CADM2: variants seen among roughly 807,000 people sequenced by gnomAD.
CADM2 encodes the protein cell adhesion molecule 2, also known as immunoglobulin superfamily member 4D.
CADM2 carries 12 observed loss-of-function variants against 49.8 expected under a neutral mutation model. The ratio of observed to expected loss-of-function variants is 0.24; its 90% CI spans 0.15 to 0.39. CADM2 has a LOEUF of 0.39. Ranked by LOEUF, CADM2 falls within the 10% of genes least tolerant of loss-of-function variation. The pLI is 1.00. For missense variants in CADM2, 378 were observed against 492.3 expected (o/e 0.77, Z 2.20); for synonymous variants, 214 against 175.4 (o/e 1.22, Z -1.74).
At chr3:85,633,879 T>C (rs1455856714) in intron 1 of CADM2, among the ~76,000 whole-genome samples, 2 of 152,088 alleles carry the variant, frequency 1.3e-5, no homozygotes, top group African/African-American at 4.8e-5. Context: ...AGTGAGAGTA[T>C]GACGAAGCAG....
At chr3:85,295,113 A>G (rs2106955571) in intron 1 of CADM2, among the ~76,000 whole-genome samples, 1 of 152,328 alleles carries the variant, frequency 6.6e-6, no homozygotes, top group South Asian at 2.1e-4. Context: ...AAACAACCCC[A>G]TCAAAAAGTG....
chr3:85,665,674 T>C (rs1207839326), intron 1 of CADM2, among the ~76,000 whole-genome samples: 1 of 151,976 alleles, frequency 6.6e-6, no homozygotes, highest in Non-Finnish European at 1.5e-5. Flanking sequence ...GTCTTTCTGG[T>C]AGTCCACCAT....
chr3:86,072,407 C>CAA lies in CADM2; in HGVS notation c.*5631_*5632dup, dbSNP rs202175439. 7 of 143,220 alleles carry CAA rather than the reference C, an allele frequency of 4.9e-5. No homozygotes were observed. Among genetic ancestry groups the CAA allele is most frequent in the African/African-American group, 1.5e-4 (6 of 39,088 alleles). 8.9% of individuals were successfully genotyped at this position (143,220 alleles called of 1,614,324 possible). On this transcript the variant is annotated 3_prime_UTR_variant, in exon 10 of 10. Transcript: ENST00000383699. ...AAATGTGAAAAAGATATAAAAAAAA[C>CAA]AAAAAAAACAAAAAAAAAACACTAT...
chr3:85,489,496 G>C (rs1476715813), intron 1 of CADM2, among the ~76,000 whole-genome samples: 1 of 151,930 alleles, frequency 6.6e-6, no homozygotes, highest in Non-Finnish European at 1.5e-5. Flanking sequence ...CTTACTTTTA[G>C]TCATTTGTAA....
At chr3:85,978,613 A>T (rs1727083253) in intron 8 of CADM2, among the ~76,000 whole-genome samples, 1 of 151,638 alleles carries the variant, frequency 6.6e-6, no homozygotes, top group South Asian at 2.1e-4. Context: ...GAAGCAAAAT[A>T]ACAATAATAA....
chr3:85,586,955 G>T (rs1271638136), intron 1 of CADM2, among the ~76,000 whole-genome samples: 1 of 152,046 alleles, frequency 6.6e-6, no homozygotes, highest in African/African-American at 2.4e-5. Context: ...TAGCATGCTT[G>T]CCACATGGAG....
chr3:85,284,498 A>AT (rs1468884046), intron 1 of CADM2, among the ~76,000 whole-genome samples: 1 of 152,036 alleles, frequency 6.6e-6, no homozygotes, highest in Admixed American at 6.6e-5. Flanking sequence ...GGAATTTTCA[A>AT]TTTCAAATAG....
intron 1 of CADM2, among the ~76,000 whole-genome samples, chr3:85,437,811 A>C (rs1037213500): frequency 2.8e-4 from 43 of 152,000 alleles, no homozygotes; most frequent in African/African-American, 8.7e-4. Context: ...ACTCCATCAG[A>C]AGCAACTCAT....
At chr3:85,171,476 T>C (rs2040624686) in intron 1 of CADM2, among the ~76,000 whole-genome samples, 2 of 152,222 alleles carry the variant, frequency 1.3e-5, no homozygotes, top group Admixed American at 1.3e-4. Context: ...AAATAGATTT[T>C]CACATTTAAA....
At chr3:85,781,440 G>T (rs1056615784) in intron 2 of CADM2, among the ~76,000 whole-genome samples, 2 of 152,060 alleles carry the variant, frequency 1.3e-5, no homozygotes, top group Non-Finnish European at 1.5e-5. Flanking sequence ...CATGGTGCAA[G>T]TTATGCACCA....
At chr3:85,940,864 T>C (rs1330223586) in intron 7 of CADM2, among the ~76,000 whole-genome samples, 1 of 152,082 alleles carries the variant, frequency 6.6e-6, no homozygotes, top group Non-Finnish European at 1.5e-5. Context: ...ACTTTATTTT[T>C]AGAGCAGTTT....
intron 1 of CADM2, among the ~76,000 whole-genome samples, chr3:85,317,347 C>T (rs2044493718): frequency 6.6e-6 from 1 of 152,044 alleles, no homozygotes; most frequent in South Asian, 2.1e-4. Flanking sequence ...AATGCCATGA[C>T]CCTATTTGAG....
intron 1 of CADM2, among the ~76,000 whole-genome samples, chr3:85,657,723 T>C (rs1296010156): frequency 3.6e-5 from 4 of 111,808 alleles, no homozygotes; most frequent in African/African-American, 1.3e-4. Flanking sequence ...GATATATATA[T>C]ATACAGATAT....
chr3:85,232,947 A>G (rs887028129), intron 1 of CADM2, among the ~76,000 whole-genome samples: 6 of 152,196 alleles, frequency 3.9e-5, no homozygotes, highest in Admixed American at 3.3e-4. Context: ...ACATGCTAAT[A>G]TTTATAGTAA....
intron 1 of CADM2, among the ~76,000 whole-genome samples, chr3:85,136,111 T>A (rs911385122): frequency 6.6e-6 from 1 of 152,170 alleles, no homozygotes; most frequent in Admixed American, 6.5e-5. Flanking sequence ...TGACAGTGAC[T>A]GAAATGTTGT....
intron 8 of CADM2, chr3:85,993,512 A>G (rs1729031121): frequency 6.6e-6 from 1 of 152,246 alleles, no homozygotes; most frequent in African/African-American, 2.4e-5. Context: ...AATGATCGTA[A>G]TGACATCTAG....
intron 1 of CADM2, among the ~76,000 whole-genome samples, chr3:85,630,423 C>T (rs2064274090): frequency 6.6e-6 from 1 of 152,006 alleles, no homozygotes. Flanking sequence ...GGAAACATTA[C>T]CTGGCAATAC....
At chr3:85,548,394 C>G (rs1320074788) in intron 1 of CADM2, among the ~76,000 whole-genome samples, 3 of 151,694 alleles carry the variant, frequency 2.0e-5, no homozygotes, top group African/African-American at 7.2e-5. Context: ...TAGCCTGTGG[C>G]TTTGCCTAAG....
chr3:85,291,591 T>G (rs879945547), intron 1 of CADM2, among the ~76,000 whole-genome samples: 2 of 147,162 alleles, frequency 1.4e-5, no homozygotes, highest in Non-Finnish European at 2.9e-5. Flanking sequence ...GCGGATCTCT[T>G]GGCAGAAACC....
Sources: gnomAD v4.1 joint callset for allele counts (sites outside exome capture counted in the v4.1 genomes callset) on GRCh38, gnomAD v4.1.1 for gene constraint, MANE v1.5 for transcripts, NCBI Gene and HGNC (gene_info 2026-07-23, HGNC 2026-07-21) for gene names.